Variants in DLG2 observed in about 807,000 individuals in gnomAD.
DLG2 encodes disks large homolog 2.
Under a neutral mutation model 132.5 loss-of-function variants are expected in DLG2, and 45 were observed. The observed-to-expected ratio is 0.34, with a 90% CI of 0.27 to 0.44. The LOEUF (loss-of-function observed/expected upper bound fraction) is 0.44. DLG2 is among the 20% of genes least tolerant of loss of function. The pLI is 1.00. For missense variants in DLG2, 1,045 were observed against 1,196.9 expected (o/e 0.87, Z 1.87); for synonymous variants, 424 against 419.6 (o/e 1.01, Z -0.13).
chr11:83,741,344 G>A (rs2092493961), intron 18 of DLG2, among the ~76,000 whole-genome samples: 2 of 151,620 alleles, frequency 1.3e-5, no homozygotes, highest in South Asian at 2.1e-4. Flanking sequence ...TACCCAAATA[G>A]GAAAAGAAGA....
At chr11:84,259,969 T>C (rs1291098818) in intron 7 of DLG2, among the ~76,000 whole-genome samples, 1 of 152,206 alleles carries the variant, frequency 6.6e-6, no homozygotes, top group Non-Finnish European at 1.5e-5. Flanking sequence ...ACACAATTTG[T>C]CTTACTTATC....
At chr11:85,015,380 T>C (rs1408995812) in intron 6 of DLG2, among the ~76,000 whole-genome samples, 1 of 149,348 alleles carries the variant, frequency 6.7e-6, no homozygotes, top group East Asian at 2.0e-4. Context: ...TGAAAATACA[T>C]TTCTTTCAGT....
At chr11:85,476,061 T>C (rs183121326) in intron 3 of DLG2, among the ~76,000 whole-genome samples, 2 of 152,106 alleles carry the variant, frequency 1.3e-5, no homozygotes, top group Non-Finnish European at 2.9e-5. Context: ...GTTAACACAA[T>C]AGAGTGTACT....
At chr11:83,601,574 C>T (rs1016675114) in intron 19 of DLG2, among the ~76,000 whole-genome samples, 8 of 123,952 alleles carry the variant, frequency 6.5e-5, no homozygotes, top group Admixed American at 2.2e-4. Context: ...TGCAGTGGTG[C>T]GATCTCGGCT....
At chr11:84,020,117 G>A (rs1465530176) in intron 11 of DLG2, among the ~76,000 whole-genome samples, 1 of 152,108 alleles carries the variant, frequency 6.6e-6, no homozygotes, top group Non-Finnish European at 1.5e-5. Flanking sequence ...GGCACTGGAG[G>A]TTTCAAGCTG....
rs545850466 is a variant in DLG2 at position 85,244,643 on chromosome 11, T to C, written c.186+40577A>G. Among the ~76,000 whole-genome samples, 11 of 152,046 alleles carry C rather than the reference T, an allele frequency of 7.2e-5. No homozygotes were observed. In the South Asian group the frequency reaches 2.3e-3, roughly 32 times the overall value. On this transcript the variant is annotated intron_variant, in intron 4 of 27. Coordinates refer to ENST00000376104, the MANE Select transcript of DLG2 (RefSeq NM_001142699.3). ...AAAAATAAATATCTATTAATTACAC[T>C]AAAATGAAAAGTGTTTGGATACAGC...
chr11:84,892,517 A>T (rs1408568817), intron 6 of DLG2, among the ~76,000 whole-genome samples: 1 of 152,000 alleles, frequency 6.6e-6, no homozygotes, highest in African/African-American at 2.4e-5. Flanking sequence ...GAGTATTTTT[A>T]TTTATTTATA....
intron 18 of DLG2, among the ~76,000 whole-genome samples, chr11:83,662,750 C>A (rs1229891892): frequency 2.0e-5 from 3 of 152,188 alleles, no homozygotes; most frequent in Non-Finnish European, 4.4e-5. Context: ...AGCCCGAGAA[C>A]TATATGCTCA....
intron 15 of DLG2, among the ~76,000 whole-genome samples, chr11:83,929,036 T>C (rs2079601313): frequency 6.6e-6 from 1 of 152,136 alleles, no homozygotes; most frequent in South Asian, 2.1e-4. Flanking sequence ...TGAATATTTA[T>C]AAAGTATTCT....
intron 6 of DLG2, chr11:85,021,121 GC>G: frequency 1.3e-6 from 1 of 793,572 alleles, no homozygotes. Flanking sequence ...AGAGTCATCT[GC>G]TTTCAACTTT....
At chr11:84,453,566 T>C (rs776796017) in intron 7 of DLG2, among the ~76,000 whole-genome samples, 17 of 151,814 alleles carry the variant, frequency 1.1e-4, no homozygotes, top group South Asian at 6.2e-4. Flanking sequence ...GTAGATATTT[T>C]GCTTCGTGTG....
In DLG2 at chr11:83,491,781, CT is replaced by C. The variant is rs200518183; in HGVS notation, c.2194-7554del. Among the ~76,000 whole-genome samples the C allele has an allele frequency of 9.7e-3, 1,478 of 152,060 alleles. 16 individuals carry two copies. The highest frequency in any genetic ancestry group is 0.03 in the African/African-American group (1,242 of 41,486). Reference sequence around the variant, plus strand: ...CCCAAGGAAATAGAGACCTTCTCTTCTCTCTCATCTTGCACCCTTCTCCAGC... The same window carrying C: ...CCCAAGGAAATAGAGACCTTCTCTTCCTCTCATCTTGCACCCTTCTCCAGC... On this transcript the variant is annotated intron_variant, in intron 21 of 27. Transcript: ENST00000376104.
chr11:84,283,992 G>A (rs1190132989), intron 7 of DLG2, among the ~76,000 whole-genome samples: 1 of 152,122 alleles, frequency 6.6e-6, no homozygotes, highest in Non-Finnish European at 1.5e-5. Flanking sequence ...TGTAATCTCA[G>A]CACTTTGGGA....
At chr11:85,103,706 CA>C (rs1434728779) in intron 6 of DLG2, among the ~76,000 whole-genome samples, 2 of 151,438 alleles carry the variant, frequency 1.3e-5, no homozygotes, top group African/African-American at 2.4e-5. Context: ...TACAGGTGAC[CA>C]AAAAAAGATA....
chr11:83,930,552 A>G, intron 14 of DLG2, 69 bp from the exon 15 acceptor site: 3 of 1,424,466 alleles, frequency 2.1e-6, no homozygotes, highest in Non-Finnish European at 2.9e-6. Flanking sequence ...TGCAACCAGT[A>G]GCATCTCAGC....
chr11:83,903,930 T>C (rs572019213), intron 15 of DLG2, among the ~76,000 whole-genome samples: 5 of 152,350 alleles, frequency 3.3e-5, no homozygotes, highest in East Asian at 3.9e-4. Context: ...TATGCATACA[T>C]ATCTATGATA....
chr11:84,814,910 T>C (rs1308233377), intron 6 of DLG2, among the ~76,000 whole-genome samples: 1 of 152,136 alleles, frequency 6.6e-6, no homozygotes, highest in Non-Finnish European at 1.5e-5. Context: ...AGACATGCTT[T>C]GATGAGCCTA....
chr11:84,058,958 T>C (rs566285009), intron 11 of DLG2, among the ~76,000 whole-genome samples: 1 of 152,204 alleles, frequency 6.6e-6, no homozygotes, highest in African/African-American at 2.4e-5. Context: ...TTATTATTTA[T>C]ATTACTATTT....
Position 84,298,666 on chromosome 11 carries a change from C to T in DLG2, c.520-47375G>A, listed in dbSNP as rs117193068. Among the ~76,000 whole-genome samples the T allele has an allele frequency of 2.5e-3, 384 of 152,316 alleles. 2 individuals carry two copies. The highest frequency in any genetic ancestry group is 9.8e-3 in the East Asian group (51 of 5,196). On this transcript the variant is annotated intron_variant, in intron 7 of 27. Transcript: ENST00000376104. ...AAGTGTAAAGTGGGCATATTTTCCA[C>T]ATTTTGTGGGAGCACAGAGAAATGA...
Sources: gnomAD v4.1 joint callset for allele counts (sites outside exome capture counted in the v4.1 genomes callset) on GRCh38, gnomAD v4.1.1 for gene constraint, MANE v1.5 for transcripts, NCBI Gene and HGNC (gene_info 2026-07-23, HGNC 2026-07-21) for gene names.